Variants in PODXL observed in about 807,000 individuals in gnomAD.
PODXL encodes podocalyxin.
In PODXL, 20 loss-of-function variants were observed where a neutral mutation model predicts 48.9. The observed-to-expected ratio is 0.41, with a 90% CI of 0.29 to 0.59. The LOEUF is 0.59. Among genes scored for constraint, PODXL ranks in the 20% least tolerant of loss-of-function variants. The pLI, the probability that PODXL is intolerant of heterozygous loss-of-function variation, is 0.31. For missense variants in PODXL, 606 were observed against 675.1 expected (o/e 0.90, Z 1.13); for synonymous variants, 295 against 287.4 (o/e 1.03, Z -0.27).
chr7:131,544,018 C>A (rs1023352808), intron 1 of PODXL, among the ~76,000 whole-genome samples: 1 of 152,198 alleles, frequency 6.6e-6, no homozygotes, highest in Non-Finnish European at 1.5e-5. Context: ...AAATACTAAA[C>A]AGGAAGGCCC....
At chr7:131,505,356 C>G (rs1797780033) in intron 8 of PODXL, among the ~76,000 whole-genome samples, 1 of 152,140 alleles carries the variant, frequency 6.6e-6, no homozygotes. Flanking sequence ...CCAAGTCTCC[C>G]TGACTCCAGT....
intron 1 of PODXL, among the ~76,000 whole-genome samples, chr7:131,553,922 G>A (rs1006045511): frequency 3.9e-5 from 6 of 152,176 alleles, no homozygotes; most frequent in Non-Finnish European, 8.8e-5. Context: ...AGCACTGAAA[G>A]GGGGTCTGAT....
rs544240239 is a variant in PODXL at position 131,525,037 on chromosome 7, G to T, written c.101-13604C>A. On this transcript the variant is annotated intron_variant, in intron 1 of 8. Transcript: ENST00000378555. Reference sequence around the variant, plus strand: ...TGTTATGGAAAGGGCAAAATGATAGGGATAGAAAACAGATAGGTAGACACC... The same window carrying T: ...TGTTATGGAAAGGGCAAAATGATAGTGATAGAAAACAGATAGGTAGACACC... Among the ~76,000 whole-genome samples the T allele has an allele frequency of 2.0e-5, 3 of 152,204 alleles. No homozygotes were observed. In the South Asian group the frequency reaches 6.2e-4, roughly 32 times the overall value.
At chr7:131,504,650 C>T (rs1797769354) in intron 8 of PODXL, 142 bp from the exon 9 acceptor site, 2 of 686,278 alleles carry the variant, frequency 2.9e-6, no homozygotes, top group South Asian at 3.6e-5. Context: ...GCTGGCTGCT[C>T]CTGGTGGTCA....
intron 1 of PODXL, among the ~76,000 whole-genome samples, chr7:131,514,170 C>A (rs1797957729): frequency 6.6e-6 from 1 of 152,200 alleles, no homozygotes; most frequent in Non-Finnish European, 1.5e-5. Flanking sequence ...GTAATCCCAG[C>A]ACTTTGGGAG....
chr7:131,516,661 C>A (rs891798811), intron 1 of PODXL, among the ~76,000 whole-genome samples: 1 of 151,608 alleles, frequency 6.6e-6, no homozygotes, highest in East Asian at 1.9e-4. Context: ...AGATTCACAT[C>A]TTTCCATGTC....
chr7:131,514,773 A>T (rs1396525911), intron 1 of PODXL, among the ~76,000 whole-genome samples: 4 of 150,146 alleles, frequency 2.7e-5, no homozygotes, highest in Admixed American at 2.7e-4. Flanking sequence ...CACCCAGCTA[A>T]TTTTTTTTTC....
intron 1 of PODXL, among the ~76,000 whole-genome samples, chr7:131,549,972 T>C (rs1798643435): frequency 6.6e-6 from 1 of 152,236 alleles, no homozygotes; most frequent in Non-Finnish European, 1.5e-5. Flanking sequence ...CTGTGCTTGC[T>C]GCTGCTCCAG....
At position 131,511,274 on chromosome 7, in the gene PODXL, C is replaced by G. The variant is rs1298435600; in HGVS notation, c.260G>C (p.Ser87Thr). The change falls in exon 2 of 9, where the codon AGT becomes ACT. Residue 87 changes from serine to threonine, a missense_variant. Coordinates refer to ENST00000378555, the MANE Select transcript of PODXL (RefSeq NM_001018111.3). ...CAGGGTTGTAGTCCCCGGTGAGTCA[C>G]TGGATACACCAAGGGTGGTCGCCTT... ...SVKATTLGVSSDSPGTTTLAQ... is the reference protein window; with the variant it reads ...SVKATTLGVSTDSPGTTTLAQ... 1 of 1,613,928 alleles carries G rather than the reference C, an allele frequency of 6.2e-7. No homozygotes were observed. The highest frequency in any genetic ancestry group is 1.3e-5 in the African/African-American group (1 of 74,902).
At chr7:131,507,115 C>T (rs35706199) in intron 5 of PODXL, among the ~76,000 whole-genome samples, 1,772 of 152,324 alleles carry the variant, frequency 0.012, 15 homozygotes, top group South Asian at 0.023. Flanking sequence ...CCCCACAGCC[C>T]GCAGGGAGAC....
At chr7:131,506,535 C>T in intron 6 of PODXL, 44 bp downstream of exon 6, 1 of 1,598,522 alleles carries the variant, frequency 6.3e-7, no homozygotes, top group Non-Finnish European at 8.6e-7. Flanking sequence ...CCCCCATTCC[C>T]ACCCATGCAG....
chr7:131,549,672 A>G (rs1005242663), intron 1 of PODXL, among the ~76,000 whole-genome samples: 1 of 152,152 alleles, frequency 6.6e-6, no homozygotes, highest in Non-Finnish European at 1.5e-5. Flanking sequence ...TGGCTCTGGG[A>G]GGTCCCTGCA....
At chr7:131,542,900 G>T (rs1425292734) in intron 1 of PODXL, among the ~76,000 whole-genome samples, 1 of 152,120 alleles carries the variant, frequency 6.6e-6, no homozygotes, top group South Asian at 2.1e-4. Context: ...CACCTTTCTT[G>T]TTTTCCCTTA....
Position 131,510,912 on chromosome 7 carries a change from G to A in PODXL, c.622C>T (p.His208Tyr), listed in dbSNP as rs1797901077. ...GAACTGCTTGAAATTTTCATAAGATGGTCATGTCCCGAGCTTGTTGGGGTG... is the reference window on the plus strand; with the variant it reads ...GAACTGCTTGAAATTTTCATAAGATAGTCATGTCCCGAGCTTGTTGGGGTG... ...VATPTSSGHDHLMKISSSSST... is the reference protein window; with the variant it reads ...VATPTSSGHDYLMKISSSSST... The change falls in exon 2 of 9, where the codon CAT (histidine) becomes TAT (tyrosine). Residue 208 changes from histidine (H) to tyrosine (Y), a missense_variant. Transcript: ENST00000378555. 20 of 1,614,130 alleles carry A rather than the reference G, an allele frequency of 1.2e-5. No homozygotes were observed. Among genetic ancestry groups the A allele is most frequent in the Non-Finnish European group, 1.7e-5 (20 of 1,180,036 alleles).
At chr7:131,551,524 G>A (rs1367136416) in intron 1 of PODXL, among the ~76,000 whole-genome samples, 1 of 152,226 alleles carries the variant, frequency 6.6e-6, no homozygotes, top group Non-Finnish European at 1.5e-5. Context: ...CAGCCCTGAA[G>A]AGGGCCTCTG....
At chr7:131,528,295 T>C (rs914631076) in intron 1 of PODXL, among the ~76,000 whole-genome samples, 9 of 152,334 alleles carry the variant, frequency 5.9e-5, no homozygotes, top group African/African-American at 2.2e-4. Context: ...CAGCTTTAAT[T>C]TTCTCAATGA....
intron 5 of PODXL, 33 bp downstream of exon 5, chr7:131,508,918 G>C (rs368023259): frequency 3.4e-6 from 5 of 1,466,820 alleles, no homozygotes; most frequent in Non-Finnish European, 4.8e-6. Flanking sequence ...CTGTGAGCCT[G>C]CACCTGGCGG....
At chr7:131,544,524 A>G (rs966769907) in intron 1 of PODXL, among the ~76,000 whole-genome samples, 5 of 152,214 alleles carry the variant, frequency 3.3e-5, no homozygotes, top group African/African-American at 1.2e-4. Flanking sequence ...AAAACCCAGG[A>G]TGACCTCAGG....
At chr7:131,546,482 T>A (rs1376661889) in intron 1 of PODXL, among the ~76,000 whole-genome samples, 1 of 151,822 alleles carries the variant, frequency 6.6e-6, no homozygotes. Flanking sequence ...TTCCAGCACT[T>A]TGGGAGGCTG....
Sources: allele counts gnomAD v4.1 joint callset (sites outside exome capture counted in the v4.1 genomes callset), GRCh38; gene constraint gnomAD v4.1.1; transcripts MANE v1.5; gene names NCBI Gene and HGNC (gene_info 2026-07-23, HGNC 2026-07-21).